The following BANK1 variants were observed in gnomAD, a reference collection of about 807,000 sequenced individuals.
BANK1 encodes the protein B cell scaffold protein with ankyrin repeats 1, also known as B-cell scaffold protein with ankyrin repeats.
In BANK1, 95 loss-of-function variants were observed where a neutral mutation model predicts 94.5. That is an observed-to-expected ratio of 1.00 (90% CI 0.85 to 1.19). BANK1 has a LOEUF of 1.19. Ranked by LOEUF, BANK1 falls within the 50% of genes most tolerant of loss-of-function variation. The pLI is 0.00. For synonymous variants in BANK1, 334 were observed against 308.4 expected (o/e 1.08, Z -0.87); for missense variants, 987 against 932.2 (o/e 1.06, Z -0.77).
chr4:101,927,921 C>G (rs565808928), intron 7 of BANK1, among the ~76,000 whole-genome samples: 1 of 151,714 alleles, frequency 6.6e-6, no homozygotes, highest in Non-Finnish European at 1.5e-5. Context: ...ATCAAGAAAT[C>G]TATTGACCTG....
chr4:101,866,386 G>C (rs1578366110), intron 4 of BANK1, among the ~76,000 whole-genome samples: 1 of 152,036 alleles, frequency 6.6e-6, no homozygotes, highest in East Asian at 1.9e-4. Flanking sequence ...GATGATTTCA[G>C]AAGGTCTAAC....
intron 6 of BANK1, among the ~76,000 whole-genome samples, chr4:101,897,552 T>C (rs997111605): frequency 3.3e-5 from 5 of 152,002 alleles, no homozygotes; most frequent in African/African-American, 1.2e-4. Flanking sequence ...GGGTACATTC[T>C]AAGTGTTTGC....
At chr4:101,910,648 C>T (rs113645012) in intron 6 of BANK1, among the ~76,000 whole-genome samples, 15 of 145,320 alleles carry the variant, frequency 1.0e-4, no homozygotes, top group African/African-American at 2.1e-4. Flanking sequence ...GAGCCGAGAT[C>T]GCACCATTGC....
At chr4:101,887,216 G>C (rs192425841) in intron 5 of BANK1, among the ~76,000 whole-genome samples, 7 of 152,320 alleles carry the variant, frequency 4.6e-5, no homozygotes, top group Admixed American at 1.3e-4. Flanking sequence ...AAAGGGCCTC[G>C]ATGCCTAAAT....
chr4:101,889,216 C>T (rs1011292216), intron 5 of BANK1, among the ~76,000 whole-genome samples: 6 of 151,930 alleles, frequency 3.9e-5, no homozygotes, highest in African/African-American at 1.5e-4. Flanking sequence ...TCATATACTC[C>T]CTTTTATTCT....
chr4:101,952,373 A>G (rs1560649703), intron 7 of BANK1, among the ~76,000 whole-genome samples: 1 of 152,108 alleles, frequency 6.6e-6, no homozygotes, highest in Non-Finnish European at 1.5e-5. Context: ...AAATGTTCTA[A>G]TTACTGTGAC....
chr4:101,985,774 A>G (rs554832523), intron 7 of BANK1, among the ~76,000 whole-genome samples: 78 of 152,252 alleles, frequency 5.1e-4, no homozygotes, highest in Non-Finnish European at 1.0e-3. Flanking sequence ...TCTACATTCA[A>G]CATCTAATAG....
chr4:102,065,386 G>A (rs148094269), intron 13 of BANK1, among the ~76,000 whole-genome samples: 1 of 152,192 alleles, frequency 6.6e-6, no homozygotes, highest in Non-Finnish European at 1.5e-5. Context: ...AAAGCCCATG[G>A]TGAAAAAGAA....
At position 102,053,101 on chromosome 4, in the gene BANK1, T is replaced by G. The variant is rs912567258; in HGVS notation, c.1970-7110T>G. On this transcript the variant is annotated intron_variant, in intron 11 of 16. Coordinates refer to ENST00000322953, the MANE Select transcript of BANK1 (RefSeq NM_017935.5). Reference sequence around the variant, plus strand: ...ACGTAGAGAACATATTGAAGAAGGGTTTGTTCTCAGTACATGGAAAGACCG... The same window carrying G: ...ACGTAGAGAACATATTGAAGAAGGGGTTGTTCTCAGTACATGGAAAGACCG... Among the ~76,000 whole-genome samples the G allele has an allele frequency of 2.6e-5, 4 of 152,144 alleles. No individual in the cohort carries two copies. The East Asian group carries it at 5.8e-4, about 22-fold the overall frequency.
chr4:101,869,187 A>G (rs1728188040), intron 4 of BANK1, among the ~76,000 whole-genome samples: 1 of 151,932 alleles, frequency 6.6e-6, no homozygotes, highest in African/African-American at 2.4e-5. Context: ...CTCTTTTGTG[A>G]TAAACAAAAT....
intron 5 of BANK1, among the ~76,000 whole-genome samples, chr4:101,884,614 T>A (rs1342148170): frequency 6.6e-6 from 1 of 152,206 alleles, no homozygotes; most frequent in Non-Finnish European, 1.5e-5. Flanking sequence ...GCTCTCTAAC[T>A]CAGGAAATGC....
chr4:102,063,083 A>G lies in BANK1; in HGVS notation c.2157A>G (p.Leu719=), dbSNP rs1728474767. The G allele has an allele frequency of 6.2e-7, 1 of 1,613,570 alleles. No individual in the cohort carries two copies. Among genetic ancestry groups the G allele is most frequent in the Non-Finnish European group, 8.5e-7 (1 of 1,179,604 alleles). ...SGLEMIQQEK[L]RQLRDCIIGK... is the part of the protein sequence containing the mutation. The stretch of plus-strand genomic sequence containing the variant: ...GTTGTTTCCACATTAAGGAGAAATT[A>G]CGACAACTACGAGACTGCATTATTG... The change falls in exon 13 of 17, where the codon TTA becomes TTG. Residue 719 remains leucine (L), a synonymous_variant. Coordinates refer to ENST00000322953, the MANE Select transcript of BANK1 (RefSeq NM_017935.5).
chr4:102,024,785 C>G (rs983572600), intron 8 of BANK1, among the ~76,000 whole-genome samples: 1 of 152,014 alleles, frequency 6.6e-6, no homozygotes, highest in African/African-American at 2.4e-5. Flanking sequence ...AGATTCATTT[C>G]TATTTATTAT....
At chr4:101,921,942 T>C (rs1398010000) in intron 7 of BANK1, among the ~76,000 whole-genome samples, 1 of 151,648 alleles carries the variant, frequency 6.6e-6, no homozygotes, top group African/African-American at 2.4e-5. Context: ...TGCGATGGGA[T>C]TCCTGTGGCA....
rs552407298 is a variant in BANK1 at position 101,827,131 on chromosome 4, A to G, written c.71-2677A>G. Among the ~76,000 whole-genome samples, 34 of 151,996 alleles carry G rather than the reference A, an allele frequency of 2.2e-4. No individual in the cohort carries two copies. The South Asian group carries it at 6.0e-3, about 27-fold the overall frequency. The stretch of plus-strand genomic sequence containing the variant: ...AGTTTATTATAAAAATATAAGCAAT[A>G]TGGAAGAGTGAAGAAAAAGAAAGCC... On this transcript the variant is annotated intron_variant, in intron 1 of 16. Coordinates refer to ENST00000322953, the MANE Select transcript of BANK1 (RefSeq NM_017935.5).
At chr4:101,958,999 C>G (rs1206794539) in intron 7 of BANK1, among the ~76,000 whole-genome samples, 1 of 152,168 alleles carries the variant, frequency 6.6e-6, no homozygotes. Flanking sequence ...AAAATCAGCT[C>G]TCCCATATGG....
At chr4:101,942,865 G>A (rs1447297397) in intron 7 of BANK1, among the ~76,000 whole-genome samples, 5 of 151,912 alleles carry the variant, frequency 3.3e-5, no homozygotes, top group African/African-American at 1.2e-4. Context: ...TGCTGGTACT[G>A]TGGCATGCTT....
intron 1 of BANK1, among the ~76,000 whole-genome samples, chr4:101,825,938 T>G (rs1726348869): frequency 6.6e-6 from 1 of 152,084 alleles, no homozygotes; most frequent in East Asian, 1.9e-4. Context: ...TATGATTGTC[T>G]CTATTTTTGA....
chr4:102,072,242 C>T (rs558239854), intron 14 of BANK1, 103 bp from the exon 15 acceptor site: 1 of 977,036 alleles, frequency 1.0e-6, no homozygotes, highest in African/African-American at 1.7e-5. Flanking sequence ...TTCTTTTCAC[C>T]CATATCTTAC....
Sources: allele counts gnomAD v4.1 joint callset (sites outside exome capture counted in the v4.1 genomes callset), GRCh38; gene constraint gnomAD v4.1.1; transcripts MANE v1.5; gene names NCBI Gene and HGNC (gene_info 2026-07-23, HGNC 2026-07-21).